ACAP2: variants seen among roughly 807,000 people sequenced by gnomAD.
The protein encoded by ACAP2 is arf-GAP with coiled-coil, ANK repeat and PH domain-containing protein 2.
In ACAP2, 39 loss-of-function variants were observed where a neutral mutation model predicts 115.8. That is an observed-to-expected ratio of 0.34 (90% CI 0.26 to 0.44). The LOEUF (loss-of-function observed/expected upper bound fraction) is 0.44, where lower values mean the gene tolerates loss of function less well. Ranked by LOEUF, ACAP2 falls within the 20% of genes least tolerant of loss-of-function variation. The probability of loss-of-function intolerance (pLI) is 1.00; values close to 1 mark genes in which losing one functional copy is unlikely to be tolerated. For missense variants in ACAP2, 662 were observed against 927.6 expected, an observed-to-expected ratio of 0.71 and a Z score of 3.72; for synonymous variants, 289 against 315.8, an observed-to-expected ratio of 0.92 and a Z score of 0.90.
chr3:195,349,814 T>C (rs776939206), intron 4 of ACAP2: 22 of 349,046 alleles, frequency 6.3e-5, no homozygotes, highest in Non-Finnish European at 1.1e-4. Flanking sequence ...AAATTTGCCA[T>C]GAAGGAGATG....
At chr3:195,385,246 CAA>C (rs112932639) in intron 2 of ACAP2, among the ~76,000 whole-genome samples, 36 of 118,626 alleles carry the variant, frequency 3.0e-4, no homozygotes, top group Non-Finnish European at 2.6e-4. Flanking sequence ...TCTCTGTATT[CAA>C]AAAAAAAAAA....
intron 4 of ACAP2, among the ~76,000 whole-genome samples, chr3:195,364,964 T>C (rs370559597): frequency 3.3e-5 from 5 of 152,250 alleles, no homozygotes; most frequent in Non-Finnish European, 5.9e-5. Flanking sequence ...AATGAGATCC[T>C]GTCATCTGCA....
intron 2 of ACAP2, among the ~76,000 whole-genome samples, chr3:195,387,451 C>T (rs565920087): frequency 6.6e-6 from 1 of 152,182 alleles, no homozygotes; most frequent in African/African-American, 2.4e-5. Flanking sequence ...TGCAATATTG[C>T]TATAATAATA....
At chr3:195,354,209 A>G (rs763601342) in intron 4 of ACAP2, among the ~76,000 whole-genome samples, 10 of 152,294 alleles carry the variant, frequency 6.6e-5, no homozygotes, top group Admixed American at 3.9e-4. Context: ...TCCATAGTGT[A>G]TATGTACGTA....
chr3:195,425,347 C>T (rs1430147151), intron 1 of ACAP2, among the ~76,000 whole-genome samples: 1 of 152,098 alleles, frequency 6.6e-6, no homozygotes, highest in African/African-American at 2.4e-5. Flanking sequence ...TGCAATTCAT[C>T]AATTGTACAA....
At chr3:195,388,540 T>A (rs768780435) in intron 2 of ACAP2, among the ~76,000 whole-genome samples, 1 of 152,198 alleles carries the variant, frequency 6.6e-6, no homozygotes, top group Non-Finnish European at 1.5e-5. Context: ...TGATTTACAA[T>A]GATACTATAG....
At chr3:195,323,279 C>A (rs752969543) in intron 9 of ACAP2, among the ~76,000 whole-genome samples, 3 of 152,120 alleles carry the variant, frequency 2.0e-5, no homozygotes, top group Admixed American at 6.5e-5. Flanking sequence ...AAGGAAAAAA[C>A]CATCATTATT....
chr3:195,305,578 C>A (rs374881099), intron 13 of ACAP2, among the ~76,000 whole-genome samples: 42 of 152,092 alleles, frequency 2.8e-4, no homozygotes, highest in African/African-American at 9.9e-4. Context: ...GAAGAAACTC[C>A]AGAAATGATT....
intron 1 of ACAP2, among the ~76,000 whole-genome samples, chr3:195,438,024 A>ATTTTT (rs147925174): frequency 0.34 from 37,472 of 111,212 alleles, 6,825 homozygotes; most frequent in African/African-American, 0.56. Flanking sequence ...ACCTGCAAGA[A>ATTTTT]TTTTCTTTTT....
intron 17 of ACAP2, among the ~76,000 whole-genome samples, 165 bp from the exon 18 acceptor site, chr3:195,294,976 C>T (rs1001888050): frequency 2.0e-5 from 3 of 152,064 alleles, no homozygotes; most frequent in Admixed American, 1.3e-4. Flanking sequence ...CTTAGCTTAT[C>T]GAGATATAAA....
intron 5 of ACAP2, among the ~76,000 whole-genome samples, chr3:195,344,426 T>C (rs1011408864): frequency 2.4e-4 from 36 of 152,150 alleles, no homozygotes; most frequent in African/African-American, 8.2e-4. Flanking sequence ...AGAAAAACTT[T>C]CCTAATATGG....
intron 11 of ACAP2, among the ~76,000 whole-genome samples, chr3:195,307,549 A>G (rs1307243765): frequency 6.6e-6 from 1 of 152,198 alleles, no homozygotes; most frequent in Non-Finnish European, 1.5e-5. Context: ...GTTTACATAT[A>G]AAGAGACTGG....
intron 4 of ACAP2, among the ~76,000 whole-genome samples, chr3:195,366,761 C>A (rs1732752004): frequency 6.6e-6 from 1 of 152,168 alleles, no homozygotes; most frequent in South Asian, 2.1e-4. Flanking sequence ...TCATGAAAGG[C>A]AGTTAAACCA....
rs372969639 is a variant in ACAP2 at position 195,302,090 on chromosome 3, C to T, written c.1201G>A (p.Ala401Thr). The change falls in exon 14 of 23, where the codon GCG (alanine) becomes ACG (threonine). Residue 401 changes from alanine (A) to threonine (T), a missense_variant. Physicochemically the swap from Ala to Thr is moderately conservative, Grantham distance 58. Coordinates refer to ENST00000326793, the MANE Select transcript of ACAP2 (RefSeq NM_012287.6). Reference sequence around the variant, plus strand: ...GGGATACACTGGACCCGCTGAAGCGCACTTTCTCCTTTCAATAATTTCTCT... The same window carrying T: ...GGGATACACTGGACCCGCTGAAGCGTACTTTCTCCTTTCAATAATTTCTCT... ...SKEKLLKGES[A>T]LQRVQCIPGN... The T allele has an allele frequency of 1.9e-6, 3 of 1,614,072 alleles. No homozygotes were observed. Among genetic ancestry groups the T allele is most frequent in the African/African-American group, 2.7e-5 (2 of 74,920 alleles).
rs545335418 is a variant in ACAP2, at chr3:195,396,779, T to C, written c.54-4632A>G. Among the ~76,000 whole-genome samples the C allele has an allele frequency of 1.9e-3, 222 of 114,094 alleles. 1 individual carries two copies. The highest frequency in any genetic ancestry group is 7.4e-3 in the African/African-American group (210 of 28,294). The allele number at this position is 114,094 out of a possible 152,430, so 74.9% of individuals were successfully genotyped here. On this transcript the variant is annotated intron_variant, in intron 1 of 22. Coordinates refer to ENST00000326793, the MANE Select transcript of ACAP2 (RefSeq NM_012287.6). ...TCCAGCCTGGGAGACAGAGTGAGAC[T>C]GTGTCTCAAAAAAGAAAAAAAAAAA...
intron 15 of ACAP2, among the ~76,000 whole-genome samples, chr3:195,297,595 C>T (rs6780521): frequency 0.024 from 3,727 of 152,236 alleles, 147 homozygotes; most frequent in African/African-American, 0.084. Flanking sequence ...ATCTCTATGT[C>T]CACAGAAAGG....
At chr3:195,442,276 C>T (rs1223220894) in intron 1 of ACAP2, 1 of 153,560 alleles carries the variant, frequency 6.5e-6, no homozygotes, top group African/African-American at 2.4e-5. Context: ...GTCGGCGTCC[C>T]AGTTCGCCCC....
chr3:195,347,773 C>T (rs1010801883), intron 4 of ACAP2, among the ~76,000 whole-genome samples: 1 of 152,068 alleles, frequency 6.6e-6, no homozygotes, highest in Non-Finnish European at 1.5e-5. Context: ...TTTGGGAGCC[C>T]AAGGTTGGAG....
At position 195,425,026 on chromosome 3, in the gene ACAP2, C is replaced by CAAAAAAAAAAAA. The variant is rs10690317; in HGVS notation, c.53+17757_53+17768dup. Among the ~76,000 whole-genome samples, 18 of 26,654 alleles carry CAAAAAAAAAAAA rather than the reference C, an allele frequency of 6.8e-4. 4 individuals are homozygous for CAAAAAAAAAAAA. Among genetic ancestry groups the CAAAAAAAAAAAA allele is most frequent in the East Asian group, 9.6e-4 (1 of 1,042 alleles). 17.5% of individuals were successfully genotyped at this position (26,654 alleles called of 152,430 possible). ...TGGGCGACAGAGCGAGACTCCGTCT[C>CAAAAAAAAAAAA]AAAAAAAAAAAAAAAAAAAAAAAAA... On this transcript the variant is annotated intron_variant, in intron 1 of 22. Transcript: ENST00000326793.
Sources: gnomAD v4.1 joint callset for allele counts (sites outside exome capture counted in the v4.1 genomes callset) on GRCh38, gnomAD v4.1.1 for gene constraint, MANE v1.5 for transcripts, NCBI Gene and HGNC (gene_info 2026-07-23, HGNC 2026-07-21) for gene names.